GTF2IRD1: variants seen among roughly 807,000 people sequenced by gnomAD.
GTF2IRD1 encodes general transcription factor II-I repeat domain-containing protein 1.
A neutral mutation model predicts 113.2 loss-of-function variants in GTF2IRD1; 26 were observed. That is an observed-to-expected ratio of 0.23 (90% CI 0.17 to 0.32). The LOEUF is 0.32. Among genes scored for constraint, GTF2IRD1 ranks in the 10% least tolerant of loss-of-function variants. The probability of loss-of-function intolerance (pLI) is 1.00; values close to 1 mark genes in which losing one functional copy is unlikely to be tolerated. For synonymous variants in GTF2IRD1, 484 were observed against 529.1 expected (o/e 0.91, Z 1.17); for missense variants, 864 against 1,280.8 (o/e 0.67, Z 4.97).
chr7:74,519,371 A>T (rs1280376220), intron 5 of GTF2IRD1, 38 bp from the exon 6 acceptor site: 2 of 1,406,892 alleles, frequency 1.4e-6, no homozygotes, highest in Non-Finnish European at 1.9e-6. Flanking sequence ...TGTGAAACAG[A>T]TGTACAAAGC....
At chr7:74,528,803 GT>G (rs1797766428) in intron 8 of GTF2IRD1, among the ~76,000 whole-genome samples, 1 of 51,348 alleles carries the variant, frequency 1.9e-5, no homozygotes, top group African/African-American at 8.4e-5. Flanking sequence ...GGGTGGGTGG[GT>G]GGATGGATGG....
rs1164848405 is a variant in GTF2IRD1 at position 74,571,133 on chromosome 7, C to A, written c.2320+11478C>A. On this transcript the variant is annotated intron_variant, in intron 22 of 26. Coordinates refer to ENST00000424337, the MANE Select transcript of GTF2IRD1 (RefSeq NM_005685.4). ...CTTCCCCAGAGCAGGGGCTCCAGACCCCAGGGATGTGGCAGAGCTGCCAAC... is the reference window on the plus strand; with the variant it reads ...CTTCCCCAGAGCAGGGGCTCCAGACACCAGGGATGTGGCAGAGCTGCCAAC... 8.1e-6 allele frequency: 8 copies of A among 984,918 alleles called. No individual in the cohort carries two copies. The East Asian group carries it at 6.8e-4, about 84-fold the overall frequency. The allele number at this position is 984,918 out of a possible 1,614,324, so 61.0% of individuals were successfully genotyped here. A position where few individuals can be genotyped will look rare whatever the true frequency, so the allele number is the denominator to read the frequency against.
chr7:74,588,962 A>G (rs1312678944), intron 22 of GTF2IRD1, among the ~76,000 whole-genome samples: 1 of 150,460 alleles, frequency 6.6e-6, no homozygotes, highest in Admixed American at 6.6e-5. Context: ...ACCAGATGAC[A>G]CCCCCTCTGG....
chr7:74,577,411 TTC>T (rs1801141797), intron 22 of GTF2IRD1, among the ~76,000 whole-genome samples: 1 of 152,140 alleles, frequency 6.6e-6, no homozygotes, highest in Non-Finnish European at 1.5e-5. Context: ...CACACATAAT[TTC>T]TCTTTCTTTT....
chr7:74,486,789 T>G (rs1554335654), intron 1 of GTF2IRD1, among the ~76,000 whole-genome samples: 1 of 148,418 alleles, frequency 6.7e-6, no homozygotes, highest in African/African-American at 2.5e-5. Flanking sequence ...CTGAGCAACA[T>G]AGCAAGACCA....
At chr7:74,500,181 T>G (rs1795946968) in intron 1 of GTF2IRD1, among the ~76,000 whole-genome samples, 1 of 152,160 alleles carries the variant, frequency 6.6e-6, no homozygotes, top group Non-Finnish European at 1.5e-5. Flanking sequence ...CAAATGACCT[T>G]GAACCGCTGC....
intron 1 of GTF2IRD1, among the ~76,000 whole-genome samples, chr7:74,484,315 T>G (rs1325353270): frequency 6.6e-6 from 1 of 152,182 alleles, no homozygotes; most frequent in Non-Finnish European, 1.5e-5. Context: ...AGGGTCTCAC[T>G]CTGTCACCCA....
Position 74,515,617 on chromosome 7 carries a change from A to G in GTF2IRD1, c.421+21A>G, listed in dbSNP as rs1307991825. ...TTATAGTAAGATCCTTCCTCATTCC[A>G]TTTGGGGGCCCCAGGGAGGGTGGGA... On this transcript the variant is annotated intron_variant, in intron 4 of 26. Transcript: ENST00000424337. 5 of 1,592,200 alleles carry G rather than the reference A, an allele frequency of 3.1e-6. No individual in the cohort carries two copies. The African/African-American group carries it at 6.7e-5, about 21-fold the overall frequency.
At chr7:74,507,653 C>G (rs906932454) in intron 1 of GTF2IRD1, 1 of 177,042 alleles carries the variant, frequency 5.6e-6, no homozygotes, top group African/African-American at 2.4e-5. Context: ...TGAGGGGGAA[C>G]TGGAGTGAGG....
At chr7:74,476,653 TC>T (rs1215713456) in intron 1 of GTF2IRD1, among the ~76,000 whole-genome samples, 1 of 152,042 alleles carries the variant, frequency 6.6e-6, no homozygotes, top group African/African-American at 2.4e-5. Context: ...CACCGTACTC[TC>T]CTGCCTCTAG....
rs1372912307 is a variant in GTF2IRD1, at chr7:74,590,856, G to C, written c.2430G>C (p.Leu810=). 1 of 1,612,390 alleles carries C rather than the reference G, an allele frequency of 6.2e-7. No individual in the cohort carries two copies. The highest frequency in any genetic ancestry group is 1.1e-5 in the South Asian group (1 of 90,986). ...CCCTGGGCCTGAACCGGCCGGTGCT[G>C]GTCCCTTATAAACTAATCCGGGACA... ...GEALGLNRPV[L]VPYKLIRDSP... The change falls in exon 24 of 27, where the codon CTG becomes CTC. Residue 810 remains leucine, a synonymous_variant. Transcript: ENST00000424337.
chr7:74,508,714 G>A (rs1554341897), intron 2 of GTF2IRD1, among the ~76,000 whole-genome samples: 1 of 144,134 alleles, frequency 6.9e-6, no homozygotes, highest in African/African-American at 2.6e-5. Context: ...AAAAAATCTA[G>A]CCCTGGAATA....
At position 74,491,199 on chromosome 7, in the gene GTF2IRD1, A is replaced by G. The variant is rs374370556; in HGVS notation, c.-6-16876A>G. On this transcript the variant is annotated intron_variant, in intron 1 of 26. Coordinates refer to ENST00000424337, the MANE Select transcript of GTF2IRD1 (RefSeq NM_005685.4). ...CAGGCACCTGTAATCCCAGCTACTC[A>G]GGAGGCTGAGGCACGAGAATCGCCT... 2.7e-4 allele frequency among the ~76,000 whole-genome samples: 41 copies of G among 151,794 alleles called. No individual in the cohort carries two copies. In the East Asian group the frequency reaches 5.8e-3, roughly 21 times the overall value.
At chr7:74,483,555 T>A (rs1049622468) in intron 1 of GTF2IRD1, among the ~76,000 whole-genome samples, 24 of 151,652 alleles carry the variant, frequency 1.6e-4, no homozygotes, top group Admixed American at 1.2e-3. Context: ...ACAAAAAAAA[T>A]TTTTAAAAAT....
chr7:74,461,559 G>A (rs953314754), intron 1 of GTF2IRD1, among the ~76,000 whole-genome samples: 11 of 152,140 alleles, frequency 7.2e-5, no homozygotes, highest in African/African-American at 2.7e-4. Context: ...TGGCACATGA[G>A]AAGGGCCCAC....
At chr7:74,583,483 C>T (rs1348349349) in intron 22 of GTF2IRD1, among the ~76,000 whole-genome samples, 1 of 149,426 alleles carries the variant, frequency 6.7e-6, no homozygotes, top group Non-Finnish European at 1.5e-5. Flanking sequence ...TGAGCCACTA[C>T]ATCCGGCCAG....
At chr7:74,538,020 A>C in intron 11 of GTF2IRD1, 116 bp from the exon 12 acceptor site, 1 of 890,020 alleles carries the variant, frequency 1.1e-6, no homozygotes, top group Non-Finnish European at 1.9e-6. Flanking sequence ...CGATGGGGAC[A>C]GGGATGCCTT....
chr7:74,469,508 T>C (rs1164519417), intron 1 of GTF2IRD1, among the ~76,000 whole-genome samples: 1 of 152,160 alleles, frequency 6.6e-6, no homozygotes, highest in African/African-American at 2.4e-5. Flanking sequence ...TGGGCGTTTC[T>C]TGTAGATGGA....
intron 1 of GTF2IRD1, among the ~76,000 whole-genome samples, chr7:74,499,254 A>T (rs968230256): frequency 1.3e-5 from 2 of 152,170 alleles, no homozygotes; most frequent in Admixed American, 1.3e-4. Context: ...CTCCCCACTT[A>T]CAGCTCACTG....
Sources: gnomAD v4.1 joint callset for allele counts (sites outside exome capture counted in the v4.1 genomes callset) on GRCh38, gnomAD v4.1.1 for gene constraint, MANE v1.5 for transcripts, NCBI Gene and HGNC (gene_info 2026-07-23, HGNC 2026-07-21) for gene names.